KCNIP4: variants seen among roughly 807,000 people sequenced by gnomAD.
KCNIP4 encodes potassium voltage-gated channel interacting protein 4.
Under a neutral mutation model 34.0 loss-of-function variants are expected in KCNIP4, and 12 were observed. That is an observed-to-expected ratio of 0.35 (90% CI 0.23 to 0.57). The LOEUF is 0.57. KCNIP4 is among the 20% of genes least tolerant of loss of function. The pLI, the probability that KCNIP4 is intolerant of heterozygous loss-of-function variation, is 0.83. For missense variants in KCNIP4, 238 were observed against 311.7 expected, an observed-to-expected ratio of 0.76 and a Z score of 1.78; for synonymous variants, 124 against 102.2, an observed-to-expected ratio of 1.21 and a Z score of -1.29.
At chr4:21,495,589 C>CTT (rs533989256) in intron 1 of KCNIP4, among the ~76,000 whole-genome samples, 5,292 of 146,832 alleles carry the variant, frequency 0.036, 282 homozygotes, top group African/African-American at 0.11. Context: ...AAACACTTAC[C>CTT]TTTTTTTTTT....
At chr4:21,242,150 C>T (rs1386981638) in intron 1 of KCNIP4, among the ~76,000 whole-genome samples, 1 of 108,556 alleles carries the variant, frequency 9.2e-6, no homozygotes, top group African/African-American at 4.3e-5. Flanking sequence ...GGCGACAGAG[C>T]GAAATTCTGT....
chr4:21,346,393 C>T (rs1359175267), intron 1 of KCNIP4, among the ~76,000 whole-genome samples: 1 of 145,406 alleles, frequency 6.9e-6, no homozygotes, highest in Non-Finnish European at 1.5e-5. Flanking sequence ...TTAAAATTAA[C>T]CTGGTACTCT....
chr4:21,468,227 A>G (rs1412919069), intron 1 of KCNIP4, among the ~76,000 whole-genome samples: 1 of 152,166 alleles, frequency 6.6e-6, no homozygotes. Context: ...TACTAAAAGA[A>G]TTAAAATGTA....
intron 1 of KCNIP4, among the ~76,000 whole-genome samples, chr4:21,806,147 C>T (rs1248428962): frequency 2.0e-5 from 3 of 152,172 alleles, no homozygotes; most frequent in Non-Finnish European, 4.4e-5. Context: ...CTCTGGACCT[C>T]TTCCAAACGA....
chr4:21,104,131 CT>C (rs1748248754), intron 1 of KCNIP4, among the ~76,000 whole-genome samples: 1 of 151,912 alleles, frequency 6.6e-6, no homozygotes, highest in Non-Finnish European at 1.5e-5. Flanking sequence ...AATGGTATTT[CT>C]AGTTCTAGAT....
chr4:21,318,587 G>A (rs983773426), intron 1 of KCNIP4, among the ~76,000 whole-genome samples: 1 of 152,080 alleles, frequency 6.6e-6, no homozygotes, highest in Non-Finnish European at 1.5e-5. Flanking sequence ...TATAAGTACT[G>A]TGCCACTATT....
chr4:21,368,373 G>A (rs762297326), intron 1 of KCNIP4, among the ~76,000 whole-genome samples: 3 of 146,966 alleles, frequency 2.0e-5, no homozygotes, highest in Non-Finnish European at 2.9e-5. Context: ...TTAGAAAATC[G>A]TATCTAATAC....
intron 1 of KCNIP4, among the ~76,000 whole-genome samples, chr4:21,497,841 A>T (rs1481460905): frequency 6.6e-6 from 1 of 152,180 alleles, no homozygotes; most frequent in African/African-American, 2.4e-5. Flanking sequence ...TAAAGTAAAT[A>T]ATAATTACAA....
intron 1 of KCNIP4, among the ~76,000 whole-genome samples, chr4:21,096,202 T>C (rs12499834): frequency 0.3 from 44,913 of 151,954 alleles, 7,225 homozygotes; most frequent in African/African-American, 0.43. Flanking sequence ...ATTGTTCCAC[T>C]AGCCCCACTT....
chr4:21,632,995 C>T (rs951085662), intron 1 of KCNIP4, among the ~76,000 whole-genome samples: 5 of 152,120 alleles, frequency 3.3e-5, no homozygotes, highest in African/African-American at 7.2e-5. Flanking sequence ...CTAAACGGTA[C>T]GTTCTTCCAG....
At chr4:20,861,197 A>G (rs1029779591) in intron 2 of KCNIP4, among the ~76,000 whole-genome samples, 3 of 152,174 alleles carry the variant, frequency 2.0e-5, no homozygotes. Context: ...CTCCCTGGAT[A>G]GAGAGTTTAA....
chr4:20,749,768 G>C (rs932421345), intron 4 of KCNIP4, 36 bp from the exon 5 acceptor site: 25 of 1,413,972 alleles, frequency 1.8e-5, no homozygotes, highest in Non-Finnish European at 2.3e-5. Context: ...TTAAGTCAGT[G>C]TTTCCATATC....
Position 20,813,238 on chromosome 4 carries a change from T to G in KCNIP4, c.288+37305A>C, listed in dbSNP as rs184020002. On this transcript the variant is annotated intron_variant, in intron 3 of 8. Transcript: ENST00000382152. ...CAGCATAAACAGACCTCAAATAAAG[T>G]AGGACTGGATGTGGACAGAATGACT... Among the ~76,000 whole-genome samples, 222 of 152,126 alleles carry G rather than the reference T, an allele frequency of 1.5e-3. 4 individuals are homozygous for G. In the South Asian group the frequency reaches 0.036, roughly 25 times the overall value.
At chr4:21,720,570 T>A (rs1459739041) in intron 1 of KCNIP4, among the ~76,000 whole-genome samples, 1 of 151,260 alleles carries the variant, frequency 6.6e-6, no homozygotes, top group East Asian at 2.0e-4. Context: ...CTAGGGTACA[T>A]GTGCACAACG....
intron 1 of KCNIP4, among the ~76,000 whole-genome samples, chr4:21,803,308 C>T (rs4618303): frequency 0.079 from 11,949 of 152,182 alleles, 542 homozygotes; most frequent in Middle Eastern, 0.14. Flanking sequence ...GTCTACAACT[C>T]TCCATTCTTA....
chr4:21,855,472 G>A (rs1724692383), intron 1 of KCNIP4, among the ~76,000 whole-genome samples: 1 of 152,188 alleles, frequency 6.6e-6, no homozygotes, highest in Non-Finnish European at 1.5e-5. Flanking sequence ...GAGCCCATAG[G>A]TAGTATAATT....
intron 1 of KCNIP4, among the ~76,000 whole-genome samples, chr4:20,992,375 C>A: frequency 6.6e-6 from 1 of 152,072 alleles, no homozygotes; most frequent in East Asian, 1.9e-4. Context: ...ATGGGGGAAA[C>A]CACTTCTATG....
At chr4:20,890,069 T>C (rs1231902763) in intron 1 of KCNIP4, among the ~76,000 whole-genome samples, 2 of 152,138 alleles carry the variant, frequency 1.3e-5, no homozygotes, top group East Asian at 1.9e-4. Context: ...CCTATGACAT[T>C]GCAGATCCCG....
At chr4:21,237,366 A>G (rs1759442448) in intron 1 of KCNIP4, among the ~76,000 whole-genome samples, 1 of 152,160 alleles carries the variant, frequency 6.6e-6, no homozygotes, top group Non-Finnish European at 1.5e-5. Flanking sequence ...TATAAATACA[A>G]TCAAATAGGT....
Sources: gnomAD v4.1 joint callset for allele counts (sites outside exome capture counted in the v4.1 genomes callset) on GRCh38, gnomAD v4.1.1 for gene constraint, MANE v1.5 for transcripts, NCBI Gene and HGNC (gene_info 2026-07-23, HGNC 2026-07-21) for gene names.